Variants in ALPL observed in about 807,000 individuals in gnomAD.
The protein encoded by ALPL is alkaline phosphatase, biomineralization associated.
ALPL carries 42 observed loss-of-function variants against 51.3 expected under a neutral mutation model. That is an observed-to-expected ratio of 0.82 (90% CI 0.64 to 1.06). The LOEUF (loss-of-function observed/expected upper bound fraction) is 1.06, where lower values mean the gene tolerates loss of function less well. ALPL is among the 50% of genes least tolerant of loss of function. ALPL has a pLI of 0.00. For synonymous variants in ALPL, 279 were observed against 296.4 expected (o/e 0.94, Z 0.60); for missense variants, 589 against 709.4 (o/e 0.83, Z 1.93).
chr1:21,559,988 G>A (rs1400058805), intron 2 of ALPL, among the ~76,000 whole-genome samples: 1 of 152,202 alleles, frequency 6.6e-6, no homozygotes, highest in Non-Finnish European at 1.5e-5. Flanking sequence ...GGATGGAGGG[G>A]GCGATGAGAG....
chr1:21,522,858 A>G (rs1406238456), intron 1 of ALPL, among the ~76,000 whole-genome samples: 1 of 152,204 alleles, frequency 6.6e-6, no homozygotes, highest in Non-Finnish European at 1.5e-5. Flanking sequence ...TAACAGTAAC[A>G]GCTCATATTA....
At chr1:21,554,879 TTC>T (rs1558544167) in intron 2 of ALPL, among the ~76,000 whole-genome samples, 5 of 136,898 alleles carry the variant, frequency 3.7e-5, no homozygotes, top group Non-Finnish European at 7.8e-5. Flanking sequence ...CTTTCTCTCT[TTC>T]TTTCTTTTTC....
intron 2 of ALPL, among the ~76,000 whole-genome samples, chr1:21,554,803 G>GTCTTTCTTTCTT (rs1410585805): frequency 9.4e-5 from 4 of 42,754 alleles, no homozygotes; most frequent in East Asian, 6.9e-4. Context: ...CTGTCTGTCT[G>GTCTTTCTTTCTT]TCTGTCTGTC....
intron 2 of ALPL, among the ~76,000 whole-genome samples, chr1:21,558,738 G>A (rs538926506): frequency 6.6e-6 from 1 of 152,178 alleles, no homozygotes; most frequent in Non-Finnish European, 1.5e-5. Flanking sequence ...TTGGGGTGGT[G>A]GTGACGTAAG....
chr1:21,513,437 T>C (rs1643731152), intron 1 of ALPL, among the ~76,000 whole-genome samples: 1 of 152,214 alleles, frequency 6.6e-6, no homozygotes, highest in South Asian at 2.1e-4. Flanking sequence ...GAAAAAGATA[T>C]TAAGCTCAGG....
rs769906537 is a variant in ALPL at position 21,570,384 on chromosome 1, G to C, written c.862+10G>C. 1 of 1,613,516 alleles carries C rather than the reference G, an allele frequency of 6.2e-7. No individual in the cohort carries two copies. Among genetic ancestry groups the C allele is most frequent in the Admixed American group, 1.7e-5 (1 of 60,018 alleles). ...GTGGACTACCTATTGGGTAAGTGGA[G>C]GGGGTGGAGGGGAGGATGCATGGCT... On this transcript the variant is annotated intron_variant, in intron 8 of 11. Coordinates refer to ENST00000374840, the MANE Select transcript of ALPL (RefSeq NM_000478.6).
At chr1:21,520,737 C>T (rs1436180907) in intron 1 of ALPL, among the ~76,000 whole-genome samples, 1 of 152,042 alleles carries the variant, frequency 6.6e-6, no homozygotes. Flanking sequence ...CTGGGAGCCA[C>T]GGTGCCCGGC....
intron 1 of ALPL, among the ~76,000 whole-genome samples, chr1:21,519,874 CCTGCA>C (rs1015460222): frequency 3.9e-5 from 6 of 152,100 alleles, no homozygotes; most frequent in African/African-American, 1.4e-4. Context: ...AACGGTAAAC[CCTGCA>C]CCAAGGAATT....
At chr1:21,563,717 A>G (rs1644520632) in intron 5 of ALPL, among the ~76,000 whole-genome samples, 1 of 152,168 alleles carries the variant, frequency 6.6e-6, no homozygotes, top group Non-Finnish European at 1.5e-5. Flanking sequence ...AGGCCAACAT[A>G]CAGGTGACAG....
intron 6 of ALPL, among the ~76,000 whole-genome samples, chr1:21,566,092 C>G (rs890366000): frequency 3.9e-5 from 6 of 151,964 alleles, no homozygotes; most frequent in Non-Finnish European, 8.8e-5. Context: ...CTTCTCCCAG[C>G]CCACCCTGCC....
In ALPL at chr1:21,564,187, C is replaced by T; in HGVS notation, c.619C>T (p.Gln207Ter). Reference protein sequence around the residue: ...LSQGCKDIAYQLMHNIRDIDV... With the variant: ...LSQGCKDIAY The stretch of plus-strand genomic sequence containing the variant: ...CCAGGGCTGTAAGGACATCGCCTAC[C>T]AGCTCATGCATAACATCAGGGACAT... Residue 207 changes from glutamine to a stop codon, truncating the protein, a stop_gained, in exon 6 of 12, where the codon CAG becomes TAG. Coordinates refer to ENST00000374840, the MANE Select transcript of ALPL (RefSeq NM_000478.6). LOFTEE classifies it high-confidence loss of function. This position sits in a 1 kb window ranked among gnomAD's most constrained non-coding sequence, Gnocchi z 5.8. The T allele has an allele frequency of 6.2e-7, 1 of 1,614,018 alleles. No homozygotes were observed. Among genetic ancestry groups the T allele is most frequent in the Non-Finnish European group, 8.5e-7 (1 of 1,180,002 alleles).
At chr1:21,562,013 G>A (rs1429353155) in intron 4 of ALPL, among the ~76,000 whole-genome samples, 2 of 152,034 alleles carry the variant, frequency 1.3e-5, no homozygotes, top group Non-Finnish European at 2.9e-5. Context: ...TCTTTCCCGA[G>A]GCAGTTCGTG....
At chr1:21,567,967 T>G in intron 6 of ALPL, 137 bp from the exon 7 acceptor site, 3 of 1,160,942 alleles carry the variant, frequency 2.6e-6, no homozygotes, top group East Asian at 4.7e-5. Context: ...CAGAGATGAC[T>G]GAGGCCTGGC....
intron 1 of ALPL, among the ~76,000 whole-genome samples, chr1:21,538,031 T>C (rs57170258): frequency 0.02 from 3,082 of 152,292 alleles, 117 homozygotes; most frequent in African/African-American, 0.07. Flanking sequence ...GCGTGTAAAG[T>C]GCTTAGAGCA....
In ALPL at chr1:21,522,902, T is replaced by C. The variant is rs113915049; in HGVS notation, c.-105+13385T>C. Among the ~76,000 whole-genome samples, 936 of 152,300 alleles carry C rather than the reference T, an allele frequency of 6.1e-3. 12 individuals carry two copies. Among genetic ancestry groups the C allele is most frequent in the African/African-American group, 0.021 (878 of 41,550 alleles). ...GCAGGCACTGTTCAAGCAAGTCAGA[T>C]ACATTAATCATTTAATCCTCATATC... On this transcript the variant is annotated intron_variant, in intron 1 of 11. Coordinates refer to ENST00000374840, the MANE Select transcript of ALPL (RefSeq NM_000478.6).
At chr1:21,539,756 A>G (rs1644157336) in intron 1 of ALPL, among the ~76,000 whole-genome samples, 1 of 149,602 alleles carries the variant, frequency 6.7e-6, no homozygotes, top group African/African-American at 2.5e-5. Flanking sequence ...CCGAGTTCAC[A>G]CCATTCTCCT....
intron 8 of ALPL, among the ~76,000 whole-genome samples, chr1:21,572,103 G>A (rs1644658772): frequency 6.6e-6 from 1 of 152,264 alleles, no homozygotes; most frequent in Non-Finnish European, 1.5e-5. Context: ...AGTGAGCTAT[G>A]ATCATGCCAC....
At chr1:21,559,078 C>T (rs1156570472) in intron 2 of ALPL, among the ~76,000 whole-genome samples, 1 of 152,158 alleles carries the variant, frequency 6.6e-6, no homozygotes, top group Non-Finnish European at 1.5e-5. Flanking sequence ...GAGAGCCAGG[C>T]ACGCGTCGGA....
intron 1 of ALPL, among the ~76,000 whole-genome samples, chr1:21,539,299 T>C (rs1334611537): frequency 6.6e-6 from 1 of 152,204 alleles, no homozygotes; most frequent in Non-Finnish European, 1.5e-5. Flanking sequence ...TTGAAGGTTG[T>C]TGTGGGGATC....
Sources: gnomAD v4.1 joint callset for allele counts (sites outside exome capture counted in the v4.1 genomes callset) on GRCh38, gnomAD v4.1.1 for gene constraint, Gnocchi (gnomAD v3.1) non-coding constraint, MANE v1.5 for transcripts, NCBI Gene and HGNC (gene_info 2026-07-23, HGNC 2026-07-21) for gene names.